FSIP1: variants seen among roughly 807,000 people sequenced by gnomAD.
FSIP1 encodes the protein fibrous sheath interacting protein 1, also known as fibrous sheath-interacting protein 1.
Under a neutral mutation model 60.9 loss-of-function variants are expected in FSIP1, and 65 were observed. The ratio of observed to expected loss-of-function variants is 1.07; its 90% CI spans 0.87 to 1.31. The LOEUF is 1.31. FSIP1 is among the 40% of genes most tolerant of loss of function. The pLI is 0.00. For synonymous variants in FSIP1, 209 were observed against 221.2 expected (o/e 0.94, Z 0.49); for missense variants, 675 against 665.5 (o/e 1.01, Z -0.16).
chr15:39,745,768 T>C (rs182416200), intron 5 of FSIP1, among the ~76,000 whole-genome samples: 1 of 152,184 alleles, frequency 6.6e-6, no homozygotes, highest in Admixed American at 6.5e-5. Flanking sequence ...TAGCTGGGAA[T>C]CCATTTTTTT....
intron 8 of FSIP1, among the ~76,000 whole-genome samples, chr15:39,737,775 A>G (rs142720504): frequency 9.2e-4 from 140 of 152,266 alleles, no homozygotes; most frequent in Admixed American, 2.4e-3. Flanking sequence ...TCACCCAGGT[A>G]TTAAGCCTAG....
At chr15:39,622,293 TCA>T (rs1891468124) in intron 10 of FSIP1, among the ~76,000 whole-genome samples, 1 of 152,210 alleles carries the variant, frequency 6.6e-6, no homozygotes, top group Admixed American at 6.5e-5. Flanking sequence ...ATCTCAGTCC[TCA>T]TTTTTCCAGG....
At chr15:39,670,491 C>A (rs1393932242) in intron 10 of FSIP1, among the ~76,000 whole-genome samples, 2 of 152,050 alleles carry the variant, frequency 1.3e-5, no homozygotes, top group East Asian at 1.9e-4. Context: ...TTTTCTTTTT[C>A]TTTTTTTAGA....
At chr15:39,779,681 G>T (rs141189673) in intron 1 of FSIP1, among the ~76,000 whole-genome samples, 1 of 152,164 alleles carries the variant, frequency 6.6e-6, no homozygotes, top group African/African-American at 2.4e-5. Flanking sequence ...TGATTAAATA[G>T]ATTAGATATA....
At chr15:39,687,909 C>A (rs1465668947) in intron 10 of FSIP1, among the ~76,000 whole-genome samples, 3 of 152,098 alleles carry the variant, frequency 2.0e-5, no homozygotes, top group Non-Finnish European at 4.4e-5. Flanking sequence ...AGGTTCACAG[C>A]CTTAATGAGA....
At chr15:39,692,902 G>A (rs1162740770) in intron 10 of FSIP1, among the ~76,000 whole-genome samples, 1 of 152,216 alleles carries the variant, frequency 6.6e-6, no homozygotes, top group African/African-American at 2.4e-5. Flanking sequence ...GTCAGCCCAC[G>A]CTACGCCTGC....
In FSIP1 at chr15:39,770,620, AT is replaced by A; in HGVS notation, c.127-11del. On this transcript the variant is annotated splice_polypyrimidine_tract_variant and intron_variant, in intron 2 of 11. Coordinates refer to ENST00000350221, the MANE Select transcript of FSIP1 (RefSeq NM_152597.5). ...TGCTTGCAGTATCGACCTAAAAATA[AT>A]TTCAAAAAAAAAACAGTTTCCGAAA... is the stretch of plus-strand genomic sequence containing the variant. 2 of 1,442,812 alleles carry A rather than the reference AT, an allele frequency of 1.4e-6. No individual in the cohort carries two copies. The highest frequency in any genetic ancestry group is 5.3e-5 in the Admixed American group (2 of 37,918). The allele number at this position is 1,442,812 out of a possible 1,614,324, so 89.4% of individuals were successfully genotyped here.
chr15:39,708,302 C>T (rs1895362332), intron 10 of FSIP1, among the ~76,000 whole-genome samples: 2 of 152,146 alleles, frequency 1.3e-5, no homozygotes, highest in African/African-American at 4.8e-5. Context: ...GAGACACTCA[C>T]CTAAACCATC....
At chr15:39,708,204 G>C (rs2631704) in intron 10 of FSIP1, among the ~76,000 whole-genome samples, 87,372 of 151,848 alleles carry the variant, frequency 0.58, 27,677 homozygotes, top group Non-Finnish European at 0.73. Flanking sequence ...GCTGCAGGTG[G>C]CTCAGCACAA....
chr15:39,688,199 A>T (rs1483337586), intron 10 of FSIP1, among the ~76,000 whole-genome samples: 2 of 152,204 alleles, frequency 1.3e-5, no homozygotes, highest in Non-Finnish European at 2.9e-5. Flanking sequence ...CTTCAGGGAG[A>T]TGACAATGAT....
chr15:39,739,641 G>C, intron 7 of FSIP1, 24 bp downstream of exon 7: 1 of 1,574,492 alleles, frequency 6.4e-7, no homozygotes, highest in Non-Finnish European at 8.6e-7. Flanking sequence ...CCAAATTCTG[G>C]CTTCTGAATT....
Position 39,648,336 on chromosome 15 carries a change from A to C in FSIP1, c.1189-30091T>G, listed in dbSNP as rs138663759. Among the ~76,000 whole-genome samples, 51 of 152,278 alleles carry C rather than the reference A, an allele frequency of 3.3e-4. No homozygotes were observed. In the East Asian group the frequency reaches 8.1e-3, roughly 24 times the overall value. On this transcript the variant is annotated intron_variant, in intron 10 of 11. Coordinates refer to ENST00000350221, the MANE Select transcript of FSIP1 (RefSeq NM_152597.5). ...TAAGATATTTGCCAAATGTCCATAG[A>C]ATTGAAGGTTTTGTACTACTCACTA... is the stretch of plus-strand genomic sequence containing the variant.
At chr15:39,608,417 C>T (rs755476060) in intron 11 of FSIP1, among the ~76,000 whole-genome samples, 7 of 152,200 alleles carry the variant, frequency 4.6e-5, no homozygotes, top group Non-Finnish European at 7.3e-5. Context: ...TAGCAAATTA[C>T]TTTTCTAAAC....
At chr15:39,694,058 C>T (rs1349440502) in intron 10 of FSIP1, among the ~76,000 whole-genome samples, 2 of 152,084 alleles carry the variant, frequency 1.3e-5, no homozygotes, top group Non-Finnish European at 2.9e-5. Flanking sequence ...ATATATTCAA[C>T]TATTATTTGT....
intron 9 of FSIP1, among the ~76,000 whole-genome samples, chr15:39,725,113 C>T (rs1302035099): frequency 6.6e-6 from 1 of 152,130 alleles, no homozygotes; most frequent in Non-Finnish European, 1.5e-5. Context: ...TGCCTATAGT[C>T]CCAGCTACTC....
intron 5 of FSIP1, among the ~76,000 whole-genome samples, chr15:39,759,192 TA>T (rs1037636553): frequency 2.3e-4 from 35 of 150,606 alleles, no homozygotes; most frequent in Admixed American, 1.9e-3. Context: ...GTCACAAAAT[TA>T]AAAAAAAAGT....
At chr15:39,740,854 T>TA (rs34829061) in intron 6 of FSIP1, among the ~76,000 whole-genome samples, 19 of 151,684 alleles carry the variant, frequency 1.3e-4, no homozygotes, top group East Asian at 5.8e-4. Context: ...TAGCTTTGAG[T>TA]AAAAAAAAAT....
chr15:39,637,487 C>A (rs574672780), intron 10 of FSIP1, among the ~76,000 whole-genome samples: 17 of 152,256 alleles, frequency 1.1e-4, no homozygotes, highest in African/African-American at 4.1e-4. Flanking sequence ...ACTACACCAA[C>A]ATCAGAAGCA....
At chr15:39,742,692 C>T (rs546077580) in intron 5 of FSIP1, among the ~76,000 whole-genome samples, 1 of 152,294 alleles carries the variant, frequency 6.6e-6, no homozygotes, top group Admixed American at 6.5e-5. Flanking sequence ...CCTCTATGAG[C>T]TGATACAGAC....
Sources: allele counts gnomAD v4.1 joint callset (sites outside exome capture counted in the v4.1 genomes callset), GRCh38; gene constraint gnomAD v4.1.1; transcripts MANE v1.5; gene names NCBI Gene and HGNC (gene_info 2026-07-23, HGNC 2026-07-21).